MCC: variants seen among roughly 807,000 people sequenced by gnomAD.
The protein encoded by MCC is MCC regulator of Wnt signaling pathway.
A neutral mutation model predicts 116.2 loss-of-function variants in MCC; 90 were observed. The ratio of observed to expected loss-of-function variants is 0.77; its 90% CI spans 0.65 to 0.92. MCC has a LOEUF of 0.92. Among genes scored for constraint, MCC ranks in the 40% least tolerant of loss-of-function variants. MCC has a pLI of 0.00. For missense variants in MCC, 1,516 were observed against 1,312.2 expected, an observed-to-expected ratio of 1.16 and a Z score of -2.40; for synonymous variants, 578 against 510.5, an observed-to-expected ratio of 1.13 and a Z score of -1.78.
chr5:113,068,010 G>A (rs993422957), intron 13 of MCC, 70 bp downstream of exon 13: 1 of 1,343,328 alleles, frequency 7.4e-7, no homozygotes, highest in Non-Finnish European at 1.1e-6. Context: ...AATGCCAGTT[G>A]CTGAGACAGG....
intron 11 of MCC, among the ~76,000 whole-genome samples, chr5:113,081,744 C>G (rs1315868520): frequency 6.8e-6 from 1 of 147,704 alleles, no homozygotes; most frequent in African/African-American, 2.5e-5. Flanking sequence ...AATAAGGAAA[C>G]CATTTAATTT....
At chr5:113,250,073 GAA>G (rs1168090760) in intron 3 of MCC, among the ~76,000 whole-genome samples, 1 of 152,184 alleles carries the variant, frequency 6.6e-6, no homozygotes, top group African/African-American at 2.4e-5. Context: ...AACCCAAATG[GAA>G]AAGACTGTCT....
At chr5:113,083,795 G>A (rs1391785046) in intron 10 of MCC, among the ~76,000 whole-genome samples, 1 of 152,122 alleles carries the variant, frequency 6.6e-6, no homozygotes, top group Non-Finnish European at 1.5e-5. Flanking sequence ...GTAGCAGGGT[G>A]ATATAAGACA....
At chr5:113,292,438 A>G (rs1016642892) in intron 3 of MCC, among the ~76,000 whole-genome samples, 3 of 152,138 alleles carry the variant, frequency 2.0e-5, no homozygotes, top group Non-Finnish European at 4.4e-5. Flanking sequence ...TGAGGAAGGA[A>G]CTTATTTCCT....
At chr5:113,117,912 TCCC>T (rs1757486202) in intron 6 of MCC, among the ~76,000 whole-genome samples, 1 of 151,984 alleles carries the variant, frequency 6.6e-6, no homozygotes, top group South Asian at 2.1e-4. Context: ...GCTCCCTAAT[TCCC>T]CCATCAGCCC....
chr5:113,177,552 G>A (rs1446062546), intron 3 of MCC, among the ~76,000 whole-genome samples: 1 of 152,146 alleles, frequency 6.6e-6, no homozygotes, highest in African/African-American at 2.4e-5. Flanking sequence ...AAGGAGCACT[G>A]AAATCAATGA....
chr5:113,253,819 T>C (rs1054237252), intron 3 of MCC, among the ~76,000 whole-genome samples: 1 of 151,938 alleles, frequency 6.6e-6, no homozygotes, highest in Non-Finnish European at 1.5e-5. Context: ...AAAATACATA[T>C]ATAAAACAAA....
chr5:113,341,564 G>A (rs1273686066), intron 2 of MCC, among the ~76,000 whole-genome samples: 1 of 152,208 alleles, frequency 6.6e-6, no homozygotes, highest in Non-Finnish European at 1.5e-5. Context: ...TAGCAATGAA[G>A]CTGAGTTCTG....
At chr5:113,035,738 G>A (rs1751285062) in intron 17 of MCC, among the ~76,000 whole-genome samples, 1 of 152,114 alleles carries the variant, frequency 6.6e-6, no homozygotes, top group South Asian at 2.1e-4. Context: ...CTAAACTCAT[G>A]TCCCAGAGCT....
chr5:113,114,507 C>A (rs1351363462), intron 6 of MCC, among the ~76,000 whole-genome samples: 2 of 147,618 alleles, frequency 1.4e-5, no homozygotes, highest in Non-Finnish European at 3.0e-5. Context: ...ATAACCATGG[C>A]CCAAAGTGAG....
chr5:113,110,700 T>A (rs570953849), intron 6 of MCC, among the ~76,000 whole-genome samples: 3 of 152,190 alleles, frequency 2.0e-5, no homozygotes, highest in Non-Finnish European at 2.9e-5. Context: ...GAAGACTGGA[T>A]GGAATGGACC....
chr5:113,392,535 A>C (rs1769426600), intron 1 of MCC, among the ~76,000 whole-genome samples: 1 of 152,098 alleles, frequency 6.6e-6, no homozygotes, highest in African/African-American at 2.4e-5. Context: ...AAATAGACTC[A>C]AGCATACCCT....
chr5:113,286,958 A>G (rs1766286152), intron 3 of MCC, among the ~76,000 whole-genome samples: 1 of 152,234 alleles, frequency 6.6e-6, no homozygotes, highest in African/African-American at 2.4e-5. Flanking sequence ...CTGTAGTTCC[A>G]GTAAATATTT....
intron 9 of MCC, among the ~76,000 whole-genome samples, chr5:113,084,738 C>T (rs1179889867): frequency 6.6e-6 from 1 of 152,186 alleles, no homozygotes; most frequent in Admixed American, 6.5e-5. Flanking sequence ...ACAGCCTGTC[C>T]ATCATAATCT....
At chr5:113,073,297 G>A (rs991509482) in intron 11 of MCC, among the ~76,000 whole-genome samples, 35 of 152,118 alleles carry the variant, frequency 2.3e-4, no homozygotes, top group Non-Finnish European at 2.1e-4. Flanking sequence ...CATGGCGTGC[G>A]TGAGGCCCCT....
At chr5:113,274,461 A>C (rs1765743646) in intron 3 of MCC, among the ~76,000 whole-genome samples, 1 of 152,136 alleles carries the variant, frequency 6.6e-6, no homozygotes, top group Non-Finnish European at 1.5e-5. Flanking sequence ...CCGGGTTCAA[A>C]TGATTCTCCT....
Position 113,413,839 on chromosome 5 carries a change from C to T in MCC, c.171-28627G>A, listed in dbSNP as rs377483311. Among the ~76,000 whole-genome samples, 7 of 152,252 alleles carry T rather than the reference C, an allele frequency of 4.6e-5. No individual in the cohort carries two copies. In the South Asian group the frequency reaches 6.2e-4, roughly 14 times the overall value. ...CTTTTGAATTTGTTTGTTCTTACTT[C>T]TCTAGTTCTTTTAATTGTGATGGTA... On this transcript the variant is annotated intron_variant, in intron 1 of 18. Coordinates refer to ENST00000408903, the MANE Select transcript of MCC (RefSeq NM_001085377.2).
intron 1 of MCC, among the ~76,000 whole-genome samples, chr5:113,390,672 G>A (rs1187075464): frequency 6.6e-6 from 1 of 152,146 alleles, no homozygotes; most frequent in Admixed American, 6.5e-5. Context: ...TGGGAAAGAT[G>A]GGCTTTGGTC....
chr5:113,073,547 T>C (rs1366293669), intron 11 of MCC, among the ~76,000 whole-genome samples: 1 of 152,230 alleles, frequency 6.6e-6, no homozygotes, highest in African/African-American at 2.4e-5. Context: ...TCGTCTCATG[T>C]AGCTTCTTCC....
Sources: allele counts gnomAD v4.1 joint callset (sites outside exome capture counted in the v4.1 genomes callset), GRCh38; gene constraint gnomAD v4.1.1; transcripts MANE v1.5; gene names NCBI Gene and HGNC (gene_info 2026-07-23, HGNC 2026-07-21).